The following DLG2 variants were observed in gnomAD, a reference collection of about 807,000 sequenced individuals.
The protein encoded by DLG2 is discs large MAGUK scaffold protein 2.
A neutral mutation model predicts 132.5 loss-of-function variants in DLG2; 45 were observed. That is an observed-to-expected ratio of 0.34 (90% CI 0.27 to 0.44). The LOEUF is 0.44. DLG2 is among the 20% of genes least tolerant of loss of function. The probability of loss-of-function intolerance (pLI) is 1.00; values close to 1 mark genes in which losing one functional copy is unlikely to be tolerated. For missense variants in DLG2, 1,045 were observed against 1,196.9 expected, an observed-to-expected ratio of 0.87 and a Z score of 1.87; for synonymous variants, 424 against 419.6, an observed-to-expected ratio of 1.01 and a Z score of -0.13.
intron 21 of DLG2, among the ~76,000 whole-genome samples, chr11:83,512,942 T>C (rs990057847): frequency 3.3e-5 from 5 of 152,214 alleles, no homozygotes; most frequent in Non-Finnish European, 2.9e-5. Context: ...TGTTGGACAT[T>C]TGGGTTGGTT....
At chr11:85,520,041 A>ATTTT (rs112483358) in intron 3 of DLG2, among the ~76,000 whole-genome samples, 1 of 147,278 alleles carries the variant, frequency 6.8e-6, no homozygotes, top group Non-Finnish European at 1.5e-5. Context: ...CACCTGGCTA[A>ATTTT]TTTTTTTTTT....
At chr11:84,347,363 T>A (rs947992653) in intron 7 of DLG2, among the ~76,000 whole-genome samples, 3 of 152,220 alleles carry the variant, frequency 2.0e-5, no homozygotes, top group Non-Finnish European at 4.4e-5. Flanking sequence ...TGACCAGTTC[T>A]ACTTATAATT....
chr11:84,536,089 T>A (rs1227717041), intron 6 of DLG2, among the ~76,000 whole-genome samples: 1 of 152,148 alleles, frequency 6.6e-6, no homozygotes, highest in Admixed American at 6.5e-5. Flanking sequence ...TACTTACACT[T>A]ATACTTTCTG....
At chr11:85,492,183 C>T (rs286522) in intron 3 of DLG2, among the ~76,000 whole-genome samples, 134,661 of 152,214 alleles carry the variant, frequency 0.88, 59,819 homozygotes, top group Non-Finnish European at 0.91. Context: ...TTAGCCATGC[C>T]ACATATGCAT....
intron 8 of DLG2, among the ~76,000 whole-genome samples, chr11:84,228,164 G>A (rs1041427157): frequency 1.5e-4 from 23 of 151,920 alleles, no homozygotes; most frequent in African/African-American, 2.9e-4. Context: ...CATCTCTTCC[G>A]TACTCTATCT....
chr11:83,859,622 T>G (rs1434712421), intron 16 of DLG2, among the ~76,000 whole-genome samples: 1 of 152,162 alleles, frequency 6.6e-6, no homozygotes, highest in East Asian at 1.9e-4. Context: ...TTTGGAAAAT[T>G]TGCAGTTTGA....
intron 6 of DLG2, among the ~76,000 whole-genome samples, chr11:84,777,627 TATTTA>T (rs2070906847): frequency 6.6e-6 from 1 of 151,928 alleles, no homozygotes; most frequent in African/African-American, 2.4e-5. Flanking sequence ...TTTATTTATT[TATTTA>T]TTTATTTTGT....
chr11:85,421,649 G>T (rs2090322296), intron 3 of DLG2, among the ~76,000 whole-genome samples: 2 of 151,878 alleles, frequency 1.3e-5, no homozygotes, highest in Non-Finnish European at 1.5e-5. Context: ...GAGGATTTAG[G>T]TCATTTACAT....
At chr11:84,132,212 A>T (rs2154218973) in intron 9 of DLG2, among the ~76,000 whole-genome samples, 1 of 152,070 alleles carries the variant, frequency 6.6e-6, no homozygotes, top group South Asian at 2.1e-4. Flanking sequence ...AGAATTTAGT[A>T]TATGCCCAGC....
intron 11 of DLG2, among the ~76,000 whole-genome samples, chr11:84,041,618 C>T (rs1477342584): frequency 6.6e-6 from 1 of 151,972 alleles, no homozygotes; most frequent in East Asian, 1.9e-4. Flanking sequence ...TCCTGTTTTA[C>T]TCTGTCAGTG....
chr11:85,053,850 C>T (rs2063163846), intron 6 of DLG2, among the ~76,000 whole-genome samples: 2 of 149,466 alleles, frequency 1.3e-5, no homozygotes, highest in Non-Finnish European at 3.0e-5. Flanking sequence ...TCCTCATGGC[C>T]TAAAGTGTAG....
At chr11:83,672,944 C>A (rs2077076282) in intron 18 of DLG2, among the ~76,000 whole-genome samples, 1 of 152,144 alleles carries the variant, frequency 6.6e-6, no homozygotes, top group South Asian at 2.1e-4. Flanking sequence ...CACCTGTAGT[C>A]CTAGCTACTC....
chr11:85,200,200 A>G (rs921139950), intron 4 of DLG2, among the ~76,000 whole-genome samples: 5 of 152,190 alleles, frequency 3.3e-5, no homozygotes, highest in African/African-American at 1.2e-4. Context: ...TCCAGGGTTC[A>G]AGCCTAGAAA....
intron 3 of DLG2, among the ~76,000 whole-genome samples, chr11:85,536,761 G>C (rs1005481065): frequency 3.3e-5 from 5 of 152,264 alleles, no homozygotes; most frequent in African/African-American, 9.6e-5. Flanking sequence ...TGAATCCCAT[G>C]CATGGACCGC....
At chr11:84,626,847 A>ACATTTTATTTTATTTTATTTTATTT (rs373094154) in intron 6 of DLG2, among the ~76,000 whole-genome samples, 2,268 of 144,070 alleles carry the variant, frequency 0.016, 103 homozygotes, top group South Asian at 0.047. Context: ...CATCAATTAC[A>ACATTTTATTTTATTTTATTTTATTT]TATTTTATTT....
At chr11:83,924,834 G>A (rs189671361) in intron 15 of DLG2, among the ~76,000 whole-genome samples, 46 of 152,182 alleles carry the variant, frequency 3.0e-4, no homozygotes, top group African/African-American at 1.0e-3. Flanking sequence ...TTATAAATGT[G>A]GATTCTCTGA....
intron 19 of DLG2, among the ~76,000 whole-genome samples, chr11:83,576,032 A>G (rs2096868185): frequency 6.6e-6 from 1 of 152,222 alleles, no homozygotes; most frequent in Admixed American, 6.6e-5. Flanking sequence ...CAGATGGTCA[A>G]CAAGTTAAAT....
chr11:85,067,670 G>C (rs1420630053), intron 6 of DLG2, among the ~76,000 whole-genome samples: 1 of 151,880 alleles, frequency 6.6e-6, no homozygotes, highest in African/African-American at 2.4e-5. Flanking sequence ...AAAAAGTCCA[G>C]GACCAGATGG....
rs59612532 is a variant in DLG2, at chr11:84,313,918, A to G, written c.520-62627T>C. On this transcript the variant is annotated intron_variant, in intron 7 of 27. Transcript: ENST00000376104. ...ATTTTCTATTTCCTTACCTATGATT[A>G]TGGTTATATTAATTCTACAGATCCA... Among the ~76,000 whole-genome samples the G allele has an allele frequency of 4.1e-3, 622 of 152,296 alleles. 6 individuals carry two copies. The highest frequency in any genetic ancestry group is 0.014 in the Middle Eastern group (4 of 294).
Sources: gnomAD v4.1 joint callset for allele counts (sites outside exome capture counted in the v4.1 genomes callset) on GRCh38, gnomAD v4.1.1 for gene constraint, MANE v1.5 for transcripts, NCBI Gene and HGNC (gene_info 2026-07-23, HGNC 2026-07-21) for gene names.